Variants in TMEM132B observed in about 807,000 individuals in gnomAD.
TMEM132B encodes the protein transmembrane protein 132B.
In TMEM132B, 18 loss-of-function variants were observed where a neutral mutation model predicts 90.8. That is an observed-to-expected ratio of 0.20 (90% CI 0.14 to 0.29). TMEM132B has a LOEUF of 0.29. Ranked by LOEUF, TMEM132B falls within the 10% of genes least tolerant of loss-of-function variation. The pLI, the probability that TMEM132B is intolerant of heterozygous loss-of-function variation, is 1.00. For synonymous variants in TMEM132B, 504 were observed against 523.3 expected, an observed-to-expected ratio of 0.96 and a Z score of 0.50; for missense variants, 1,096 against 1,326.8, an observed-to-expected ratio of 0.83 and a Z score of 2.70.
At chr12:125,202,870 A>C (rs971415523) in intron 1 of TMEM132B, among the ~76,000 whole-genome samples, 1 of 152,172 alleles carries the variant, frequency 6.6e-6, no homozygotes, top group Non-Finnish European at 1.5e-5. Context: ...GAGTGCCCCA[A>C]AGTAGCTGTT....
At chr12:125,651,952 A>G (rs1886933978) in intron 7 of TMEM132B, among the ~76,000 whole-genome samples, 1 of 152,176 alleles carries the variant, frequency 6.6e-6, no homozygotes, top group East Asian at 1.9e-4. Flanking sequence ...TAATGGCTGG[A>G]TGGAGTCCTT....
chr12:125,583,556 T>A (rs1467776636), intron 4 of TMEM132B, among the ~76,000 whole-genome samples: 2 of 152,122 alleles, frequency 1.3e-5, no homozygotes, highest in Admixed American at 1.3e-4. Flanking sequence ...TCTGTGGGAC[T>A]GAGGGCGGCG....
At chr12:125,431,626 G>A (rs1423511765) in intron 3 of TMEM132B, among the ~76,000 whole-genome samples, 1 of 152,152 alleles carries the variant, frequency 6.6e-6, no homozygotes, top group Non-Finnish European at 1.5e-5. Flanking sequence ...CTCTGGGCAG[G>A]AAAACCCACG....
chr12:125,579,485 C>T (rs548891468), intron 4 of TMEM132B, among the ~76,000 whole-genome samples: 22 of 151,770 alleles, frequency 1.4e-4, no homozygotes, highest in Middle Eastern at 6.8e-3. Context: ...CCTTAGCCTC[C>T]GAAGTAGCTG....
chr12:125,552,859 C>T (rs1884270333), intron 4 of TMEM132B, among the ~76,000 whole-genome samples: 1 of 152,244 alleles, frequency 6.6e-6, no homozygotes, highest in Admixed American at 6.5e-5. Flanking sequence ...CACGTCCCTG[C>T]ACAGGGAGTC....
intron 1 of TMEM132B, among the ~76,000 whole-genome samples, chr12:125,223,586 G>T (rs1873606781): frequency 6.6e-6 from 1 of 152,010 alleles, no homozygotes; most frequent in Admixed American, 6.5e-5. Context: ...AAAATATTTT[G>T]CAACCATCAC....
chr12:125,651,714 C>T (rs1886929358), intron 7 of TMEM132B, among the ~76,000 whole-genome samples: 2 of 152,198 alleles, frequency 1.3e-5, no homozygotes, highest in African/African-American at 4.8e-5. Context: ...GCTCAGGGCA[C>T]CATGAGGCTG....
intron 1 of TMEM132B, among the ~76,000 whole-genome samples, chr12:125,306,342 A>G (rs1565997831): frequency 1.3e-5 from 2 of 152,170 alleles, no homozygotes; most frequent in Non-Finnish European, 2.9e-5. Flanking sequence ...AGCTTATTCA[A>G]TCTATCTCCA....
chr12:125,189,967 C>T (rs930048815), intron 1 of TMEM132B, among the ~76,000 whole-genome samples: 1 of 152,108 alleles, frequency 6.6e-6, no homozygotes, highest in African/African-American at 2.4e-5. Context: ...CCATGGGACT[C>T]AGCAATCACT....
rs1880969969 is a variant in TMEM132B at position 125,445,092 on chromosome 12, C to T, written c.1106+29415C>T. ...CAGAGTATGGGTCTAAGGACATTAA[C>T]ATTTTTGCTTATTTGATAAGTGTAA... On this transcript the variant is annotated intron_variant, in intron 3 of 8. Coordinates refer to ENST00000682704, the MANE Select transcript of TMEM132B (RefSeq NM_001366854.1). The surrounding 1 kb of genome is among the most constrained non-coding windows in gnomAD (Gnocchi z 4.3). Among the ~76,000 whole-genome samples, 1 of 152,114 alleles carries T rather than the reference C, an allele frequency of 6.6e-6. No individual in the cohort carries two copies. Among genetic ancestry groups the T allele is most frequent in the Non-Finnish European group, 1.5e-5 (1 of 68,028 alleles).
intron 1 of TMEM132B, among the ~76,000 whole-genome samples, chr12:125,198,429 C>G (rs573903879): frequency 7.2e-5 from 11 of 152,286 alleles, no homozygotes; most frequent in Admixed American, 7.2e-4. Flanking sequence ...ACAGCCTCCC[C>G]CCTTCTGATG....
At chr12:125,382,254 G>T (rs1005277647) in intron 2 of TMEM132B, among the ~76,000 whole-genome samples, 1 of 152,190 alleles carries the variant, frequency 6.6e-6, no homozygotes, top group Non-Finnish European at 1.5e-5. Context: ...AGTAGGATAT[G>T]GTTCTTCTTT....
At chr12:125,587,353 G>C (rs1468630821) in intron 5 of TMEM132B, 1 of 152,222 alleles carries the variant, frequency 6.6e-6, no homozygotes, top group Admixed American at 6.5e-5. Flanking sequence ...CCTCAGAGCA[G>C]AGGTCACAGG....
intron 6 of TMEM132B, among the ~76,000 whole-genome samples, chr12:125,649,445 A>T (rs898458258): frequency 1.9e-4 from 29 of 152,324 alleles, no homozygotes; most frequent in African/African-American, 7.0e-4. Flanking sequence ...GCCTCGGGAG[A>T]CAACCAGCTG....
chr12:125,305,823 G>A (rs1439029973), intron 1 of TMEM132B, among the ~76,000 whole-genome samples: 1 of 152,198 alleles, frequency 6.6e-6, no homozygotes, highest in Non-Finnish European at 1.5e-5. Flanking sequence ...CCTGGCTGAC[G>A]TTGAGTTTCC....
In TMEM132B at chr12:125,654,730, A is replaced by G; in HGVS notation, c.*20A>G. 6.2e-7 allele frequency: 1 copy of G among 1,603,042 alleles called. No individual in the cohort carries two copies. Among genetic ancestry groups the G allele is most frequent in the East Asian group, 2.2e-5 (1 of 44,730 alleles). On this transcript the variant is annotated 3_prime_UTR_variant, in exon 9 of 9. Transcript: ENST00000682704. This position sits in a 1 kb window ranked among gnomAD's most constrained non-coding sequence, Gnocchi z 5.8. ...ATGTAAACTCCTTTCTTATGTTTGT[A>G]TTCACCTTTATGCCTTCTGTTTTTT...
intron 5 of TMEM132B, among the ~76,000 whole-genome samples, chr12:125,632,734 T>C (rs1023269951): frequency 6.6e-6 from 1 of 152,140 alleles, no homozygotes; most frequent in Non-Finnish European, 1.5e-5. Context: ...TTCTGGCCTT[T>C]AAGGTTTTTA....
intron 4 of TMEM132B, among the ~76,000 whole-genome samples, chr12:125,565,441 T>C (rs573689021): frequency 3.9e-4 from 59 of 152,350 alleles, no homozygotes; most frequent in Non-Finnish European, 7.4e-4. Context: ...CAGTGTGCTC[T>C]TTAGCCTTGC....
At chr12:125,317,694 C>T (rs1876321774) in intron 1 of TMEM132B, among the ~76,000 whole-genome samples, 1 of 152,166 alleles carries the variant, frequency 6.6e-6, no homozygotes, top group South Asian at 2.1e-4. Context: ...TGGGCTTTCA[C>T]CTGGAGCCTT....
Sources: gnomAD v4.1 joint callset for allele counts (sites outside exome capture counted in the v4.1 genomes callset) on GRCh38, gnomAD v4.1.1 for gene constraint, Gnocchi (gnomAD v3.1) non-coding constraint, MANE v1.5 for transcripts, NCBI Gene and HGNC (gene_info 2026-07-23, HGNC 2026-07-21) for gene names.